PDE1C: variants seen among roughly 807,000 people sequenced by gnomAD.
PDE1C encodes phosphodiesterase 1C, also known as dual specificity calcium/calmodulin-dependent 3',5'-cyclic nucleotide phosphodiesterase 1C.
In PDE1C, 62 loss-of-function variants were observed where a neutral mutation model predicts 93.1. The ratio of observed to expected loss-of-function variants is 0.67; its 90% CI spans 0.54 to 0.82. The LOEUF (loss-of-function observed/expected upper bound fraction) is 0.82, where lower values mean the gene tolerates loss of function less well. Among genes scored for constraint, PDE1C ranks in the 40% least tolerant of loss-of-function variants. The pLI is 0.00. For missense variants in PDE1C, 742 were observed against 884.6 expected (o/e 0.84, Z 2.04); for synonymous variants, 325 against 310.1 (o/e 1.05, Z -0.50).
intron 6 of PDE1C, among the ~76,000 whole-genome samples, chr7:31,870,422 T>C (rs1006609821): frequency 7.2e-5 from 11 of 151,902 alleles, no homozygotes; most frequent in Non-Finnish European, 1.6e-4. Context: ...AAGGGAGATA[T>C]TACAACTGAT....
intron 2 of PDE1C, among the ~76,000 whole-genome samples, chr7:31,932,652 T>C (rs1370422516): frequency 6.6e-6 from 1 of 152,204 alleles, no homozygotes; most frequent in African/African-American, 2.4e-5. Flanking sequence ...TGGAAGACAG[T>C]GTGGCAATTC....
At chr7:32,122,088 C>G (rs1355937879) in intron 3 of PDE1C, among the ~76,000 whole-genome samples, 1 of 152,148 alleles carries the variant, frequency 6.6e-6, no homozygotes, top group African/African-American at 2.4e-5. Context: ...TCTGACCAAA[C>G]AGACTTTAAA....
intron 2 of PDE1C, among the ~76,000 whole-genome samples, chr7:31,902,519 G>A (rs1011526902): frequency 6.6e-6 from 1 of 151,736 alleles, no homozygotes; most frequent in African/African-American, 2.4e-5. Flanking sequence ...ATATTTGCCA[G>A]AAACTTGAAA....
chr7:32,421,101 A>ATG (rs1491203467), intron 1 of PDE1C, among the ~76,000 whole-genome samples: 3 of 151,870 alleles, frequency 2.0e-5, no homozygotes, highest in Admixed American at 6.6e-5. Context: ...ACACACACAC[A>ATG]CACACACACA....
At chr7:32,111,149 A>T (rs1798617906) in intron 3 of PDE1C, among the ~76,000 whole-genome samples, 1 of 152,168 alleles carries the variant, frequency 6.6e-6, no homozygotes, top group South Asian at 2.1e-4. Flanking sequence ...CATTTTCCAA[A>T]TCAGGCTCAT....
the PDE1C span, among the ~76,000 whole-genome samples, chr7:31,683,836 T>C: frequency 6.6e-6 from 1 of 152,224 alleles, no homozygotes; most frequent in African/African-American, 2.4e-5. Flanking sequence ...TAAATAATTC[T>C]TATTCATAAA....
At chr7:31,791,716 G>A (rs1034770373) in intron 16 of PDE1C, among the ~76,000 whole-genome samples, 2 of 152,062 alleles carry the variant, frequency 1.3e-5, no homozygotes, top group Non-Finnish European at 2.9e-5. Flanking sequence ...GATAGCTGGG[G>A]ACAGCTGATA....
Position 32,209,635 on chromosome 7 carries a change from G to C in PDE1C, c.86-96C>G, listed in dbSNP as rs376135731. 2,182 of 1,049,688 alleles carry C rather than the reference G, an allele frequency of 2.1e-3. 15 individuals carry two copies. Among genetic ancestry groups the C allele is most frequent in the Middle Eastern group, 0.019 (79 of 4,264 alleles). 65.0% of individuals were successfully genotyped at this position (1,049,688 alleles called of 1,614,324 possible). A position where few individuals can be genotyped will look rare whatever the true frequency, so the allele number is the denominator to read the frequency against. ...CCAATCCCCTGGATGCTTTGACATC[G>C]GGCTGTATTTAAGAGTCTTTGTAAG... On this transcript the variant is annotated intron_variant, in intron 1 of 18. Transcript: ENST00000396193.
chr7:32,006,016 T>C, intron 2 of PDE1C, among the ~76,000 whole-genome samples: 1 of 152,188 alleles, frequency 6.6e-6, no homozygotes, highest in African/African-American at 2.4e-5. Flanking sequence ...CTTTAAAATG[T>C]CATTATTGCC....
intron 2 of PDE1C, among the ~76,000 whole-genome samples, chr7:31,940,121 T>C (rs1670563909): frequency 6.6e-6 from 1 of 152,172 alleles, no homozygotes; most frequent in Non-Finnish European, 1.5e-5. Context: ...TTTATTTAGG[T>C]TGGATCTGGG....
At chr7:31,745,423 T>C in the PDE1C span, among the ~76,000 whole-genome samples, 3 of 152,312 alleles carry the variant, frequency 2.0e-5, no homozygotes, top group Admixed American at 6.5e-5. Context: ...AATGGGATGG[T>C]CCCTGCTCTC....
At chr7:31,983,519 T>C (rs1462915422) in intron 2 of PDE1C, among the ~76,000 whole-genome samples, 2 of 152,184 alleles carry the variant, frequency 1.3e-5, no homozygotes, top group Non-Finnish European at 2.9e-5. Context: ...TTCGTTGATA[T>C]TAGAAAGTGA....
chr7:32,379,245 A>G (rs1044985072), intron 1 of PDE1C, among the ~76,000 whole-genome samples: 2 of 152,194 alleles, frequency 1.3e-5, no homozygotes, highest in African/African-American at 4.8e-5. Flanking sequence ...GGCAGCACCA[A>G]CATCCCCAAA....
upstream of PDE1C, chr7:32,070,661 G>C (rs959983158): frequency 1.5e-6 from 2 of 1,348,284 alleles, no homozygotes; most frequent in Non-Finnish European, 1.9e-6. Context: ...CAGGGATAGG[G>C]ATAGAGATAG....
the PDE1C span, among the ~76,000 whole-genome samples, chr7:31,626,463 A>G: frequency 6.6e-6 from 1 of 152,158 alleles, no homozygotes; most frequent in Non-Finnish European, 1.5e-5. Context: ...TTTTCCCACT[A>G]TATTTCTGTT....
intron 2 of PDE1C, among the ~76,000 whole-genome samples, chr7:32,182,423 C>A (rs1262961970): frequency 1.3e-5 from 2 of 152,166 alleles, no homozygotes; most frequent in African/African-American, 4.8e-5. Flanking sequence ...AAACCGAATC[C>A]AGCAGCACAT....
At chr7:31,817,772 C>T (rs1788448459) in intron 14 of PDE1C, among the ~76,000 whole-genome samples, 1 of 152,118 alleles carries the variant, frequency 6.6e-6, no homozygotes, top group Non-Finnish European at 1.5e-5. Context: ...AGTGACTATG[C>T]ATCTATCATG....
At chr7:31,760,666 T>C (rs546214112) in intron 17 of PDE1C, among the ~76,000 whole-genome samples, 2 of 152,160 alleles carry the variant, frequency 1.3e-5, no homozygotes, top group Non-Finnish European at 2.9e-5. Flanking sequence ...AAATAAGTGT[T>C]GGATATCTGT....
At chr7:32,261,510 C>T (rs535252607) in intron 1 of PDE1C, among the ~76,000 whole-genome samples, 10 of 152,272 alleles carry the variant, frequency 6.6e-5, no homozygotes, top group South Asian at 6.2e-4. Flanking sequence ...GCCAGCTCTG[C>T]GTGAATTACT....
Sources: allele counts gnomAD v4.1 joint callset (sites outside exome capture counted in the v4.1 genomes callset), GRCh38; gene constraint gnomAD v4.1.1; transcripts MANE v1.5; gene names NCBI Gene and HGNC (gene_info 2026-07-23, HGNC 2026-07-21).